The following MEIS2 variants were observed in gnomAD, a reference collection of about 807,000 sequenced individuals.
MEIS2 encodes the protein Meis homeobox 2.
In MEIS2, 9 loss-of-function variants were observed where a neutral mutation model predicts 58.6. The observed-to-expected ratio is 0.15, with a 90% CI of 0.09 to 0.27. The LOEUF is 0.27. Among genes scored for constraint, MEIS2 ranks in the 10% least tolerant of loss-of-function variants. The probability of loss-of-function intolerance (pLI) is 1.00; values close to 1 mark genes in which losing one functional copy is unlikely to be tolerated. For synonymous variants in MEIS2, 221 were observed against 228.4 expected (o/e 0.97, Z 0.29); for missense variants, 427 against 635.0 (o/e 0.67, Z 3.52).
chr15:37,093,006 G>T (rs1040326675), intron 6 of MEIS2, among the ~76,000 whole-genome samples: 5 of 151,988 alleles, frequency 3.3e-5, no homozygotes, highest in African/African-American at 1.2e-4. Context: ...TCAGGCATTT[G>T]GCAATAAGTC....
chr15:37,025,378 C>T (rs1193946831), intron 8 of MEIS2, among the ~76,000 whole-genome samples: 1 of 152,168 alleles, frequency 6.6e-6, no homozygotes, highest in East Asian at 1.9e-4. Flanking sequence ...GACTAGGACA[C>T]TGGTCAAATC....
At chr15:36,982,168 G>C (rs1053984052) in intron 8 of MEIS2, among the ~76,000 whole-genome samples, 1 of 151,762 alleles carries the variant, frequency 6.6e-6, no homozygotes, top group Non-Finnish European at 1.5e-5. Flanking sequence ...ATATCCTATT[G>C]GTTCTGTTTC....
intron 8 of MEIS2, among the ~76,000 whole-genome samples, chr15:37,009,303 A>AATAAAAT (rs1208279111): frequency 3.3e-5 from 5 of 152,170 alleles, no homozygotes; most frequent in Non-Finnish European, 7.3e-5. Flanking sequence ...AAAAATAAAA[A>AATAAAAT]ATAAAAAAAA....
intron 8 of MEIS2, among the ~76,000 whole-genome samples, chr15:36,987,351 T>C (rs2060125467): frequency 1.4e-5 from 2 of 146,570 alleles, no homozygotes; most frequent in Admixed American, 7.2e-5. Context: ...GAGGTTGCAG[T>C]GAGCCAAGAT....
Position 36,895,189 on chromosome 15 carries a change from A to C in MEIS2, c.1109T>G (p.Val370Gly). The C allele has an allele frequency of 6.2e-7, 1 of 1,614,180 alleles. No individual in the cohort carries two copies. The highest frequency in any genetic ancestry group is 8.5e-7 in the Non-Finnish European group (1 of 1,180,038). Residue 370 changes from valine to glycine, a missense_variant, in exon 11 of 12, where the codon GTG becomes GGG. Physicochemically the swap from Val to Gly is moderately radical, Grantham distance 109. This residue lies in a region of MEIS2 where 154 missense variants were observed against 148.1 expected (regional missense o/e 1.04). Coordinates refer to ENST00000561208, the MANE Select transcript of MEIS2 (RefSeq NM_170675.5). ...SPEGQPMGSF[V>G]LDGQQHMGIR... Reference sequence around the variant, plus strand: ...CCCCATGTGTTGCTGACCATCCAACACAAAGCTCCCCATGGGCTGACCCTC... The same window carrying C: ...CCCCATGTGTTGCTGACCATCCAACCCAAAGCTCCCCATGGGCTGACCCTC...
At chr15:37,035,948 T>C (rs11852575) in intron 8 of MEIS2, among the ~76,000 whole-genome samples, 4,708 of 152,330 alleles carry the variant, frequency 0.031, 273 homozygotes, top group African/African-American at 0.11. Flanking sequence ...CTAAATAGAA[T>C]GGCCTGAAAA....
chr15:36,989,693 T>C (rs142002463), intron 8 of MEIS2, among the ~76,000 whole-genome samples: 20 of 152,382 alleles, frequency 1.3e-4, no homozygotes, highest in African/African-American at 4.6e-4. Context: ...ACTGCACTTC[T>C]ATTACTACGG....
chr15:36,957,045 T>A (rs1301322434), intron 8 of MEIS2, among the ~76,000 whole-genome samples: 2 of 152,212 alleles, frequency 1.3e-5, no homozygotes, highest in African/African-American at 4.8e-5. Flanking sequence ...GAAGATTTTT[T>A]AAAAGTTTAT....
chr15:37,098,011 G>A lies in MEIS2; in HGVS notation c.201C>T (p.Ser67=), dbSNP rs754101195. Residue 67 remains serine, a synonymous_variant, in exon 2 of 12, where the codon TCC becomes TCT. Coordinates refer to ENST00000561208, the MANE Select transcript of MEIS2 (RefSeq NM_170675.5). ...CCCGCTTCAAGGCGTCGTTGACAGC[G>A]GATCCCATACTGGCCGGCATGACAT... The part of the protein sequence containing the change: ...HPNVMPASMG[S]AVNDALKRDK... The A allele has an allele frequency of 6.2e-7, 1 of 1,611,564 alleles. No homozygotes were observed. The highest frequency in any genetic ancestry group is 8.5e-7 in the Non-Finnish European group (1 of 1,178,314).
At chr15:37,067,053 T>C (rs1890036725) in intron 7 of MEIS2, among the ~76,000 whole-genome samples, 1 of 151,648 alleles carries the variant, frequency 6.6e-6, no homozygotes, top group Non-Finnish European at 1.5e-5. Flanking sequence ...AGTTCTGGGA[T>C]TACATGAGTC....
At chr15:37,089,334 T>C (rs1170321371) in intron 6 of MEIS2, among the ~76,000 whole-genome samples, 4 of 152,130 alleles carry the variant, frequency 2.6e-5, no homozygotes, top group African/African-American at 9.7e-5. Context: ...CCCCTCACTG[T>C]CACTTCCCTC....
intron 7 of MEIS2, among the ~76,000 whole-genome samples, chr15:37,050,571 G>A (rs1304779699): frequency 2.6e-5 from 4 of 152,112 alleles, no homozygotes; most frequent in Non-Finnish European, 4.4e-5. Context: ...CCTAAATTAG[G>A]AAGAGTATCC....
In MEIS2 at chr15:36,889,278, C is replaced by T. The variant is rs2055777009; in HGVS notation, c.*2895G>A. ...ACTATATGGTTGTCAAAACACCATT[C>T]CCAGTTTCTTTGCTTTTGACAGCTG... On this transcript the variant is annotated 3_prime_UTR_variant, in exon 12 of 12. Transcript: ENST00000561208. The T allele has an allele frequency of 6.6e-6, 1 of 152,114 alleles. No individual in the cohort carries two copies. The highest frequency in any genetic ancestry group is 1.5e-5 in the Non-Finnish European group (1 of 68,010). The allele number at this position is 152,114 out of a possible 1,614,324, so 9.4% of individuals were successfully genotyped here.
intron 4 of MEIS2, among the ~76,000 whole-genome samples, chr15:37,095,186 C>G (rs1426363912): frequency 1.3e-5 from 2 of 151,642 alleles, no homozygotes; most frequent in Non-Finnish European, 2.9e-5. Context: ...ACCCCCAGCC[C>G]GCCCTCAGCC....
intron 7 of MEIS2, among the ~76,000 whole-genome samples, chr15:37,067,596 T>TA (rs5811961): frequency 0.74 from 107,257 of 144,670 alleles, 39,551 homozygotes; most frequent in Admixed American, 0.79. Context: ...AATCAGAAAT[T>TA]AAAAAAAAAA....
intron 6 of MEIS2, among the ~76,000 whole-genome samples, chr15:37,092,855 C>T (rs1031245759): frequency 7.3e-5 from 11 of 151,392 alleles, no homozygotes; most frequent in African/African-American, 2.7e-4. Flanking sequence ...ACTATACTCT[C>T]CATCCTCATT....
At chr15:36,892,911 A>G (rs1485950752) in intron 11 of MEIS2, among the ~76,000 whole-genome samples, 2 of 152,252 alleles carry the variant, frequency 1.3e-5, no homozygotes, top group Non-Finnish European at 2.9e-5. Context: ...TGAAAAATTT[A>G]TTACACAAAA....
intron 8 of MEIS2, among the ~76,000 whole-genome samples, chr15:36,991,806 G>GT (rs2060299111): frequency 3.5e-5 from 1 of 28,940 alleles, no homozygotes; most frequent in African/African-American, 1.5e-4. Context: ...TTTTTTTTTT[G>GT]AGACGGAGTC....
At chr15:37,087,007 A>T (rs1274681813) in intron 6 of MEIS2, among the ~76,000 whole-genome samples, 1 of 152,184 alleles carries the variant, frequency 6.6e-6, no homozygotes, top group Non-Finnish European at 1.5e-5. Context: ...CCTTCAAGAA[A>T]AATGGCATGG....
Sources: allele counts gnomAD v4.1 joint callset (sites outside exome capture counted in the v4.1 genomes callset), GRCh38; gene constraint gnomAD v4.1.1; regional missense constraint gnomAD v4.1.1; transcripts MANE v1.5; gene names NCBI Gene and HGNC (gene_info 2026-07-23, HGNC 2026-07-21).